Variants in LEP observed in about 807,000 individuals in gnomAD.
LEP encodes leptin.
LEP carries 6 observed loss-of-function variants against 9.8 expected under a neutral mutation model. The ratio of observed to expected loss-of-function variants is 0.61; its 90% CI spans 0.34 to 1.21. The LOEUF is 1.21. LEP is among the 50% of genes most tolerant of loss of function. The pLI, the probability that LEP is intolerant of heterozygous loss-of-function variation, is 0.04. For synonymous variants in LEP, 112 were observed against 81.7 expected, an observed-to-expected ratio of 1.37 and a Z score of -2.00; for missense variants, 134 against 198.1, an observed-to-expected ratio of 0.68 and a Z score of 1.94.
rs1419641446 is a variant in LEP at position 128,257,135 on chromosome 7, T to C, written c.*2372T>C. 2.6e-5 allele frequency: 4 copies of C among 152,038 alleles called. No homozygotes were observed. Among genetic ancestry groups the C allele is most frequent in the African/African-American group, 9.7e-5 (4 of 41,360 alleles). The allele number at this position is 152,038 out of a possible 1,614,324, so 9.4% of individuals were successfully genotyped here. On this transcript the variant is annotated 3_prime_UTR_variant, in exon 3 of 3. Coordinates refer to ENST00000308868, the MANE Select transcript of LEP (RefSeq NM_000230.3). ...CCAGGGTGAGAGCTGCTCTGGAAAA[T>C]GTGACCCAGATCCTCACAACCACCT...
intron 1 of LEP, among the ~76,000 whole-genome samples, chr7:128,249,310 A>T (rs1795248353): frequency 6.6e-6 from 1 of 152,262 alleles, no homozygotes; most frequent in African/African-American, 2.4e-5. Flanking sequence ...CCAGCATGGC[A>T]TCTCAGCTCC....
rs867201925 is a variant in LEP, at chr7:128,246,832, C to T, written c.-28-5159C>T. ...CATTTCTTCTCCAGGGTACCCATGG[C>T]AAGGGATGAGGGTAGAAGATGGGGC... On this transcript the variant is annotated intron_variant, in intron 1 of 2. Transcript: ENST00000308868. Among the ~76,000 whole-genome samples, 4 of 152,184 alleles carry T rather than the reference C, an allele frequency of 2.6e-5. No individual in the cohort carries two copies. In the South Asian group the frequency reaches 8.3e-4, roughly 32 times the overall value.
chr7:128,254,885 C>G lies in LEP; in HGVS notation c.*122C>G, dbSNP rs1795319098. On this transcript the variant is annotated 3_prime_UTR_variant, in exon 3 of 3. Transcript: ENST00000308868. ...CTTATCCAGGACTCTGTCAATTTCC[C>G]TGACTCCTCTAAGCCACTCTTCCAA... is the stretch of plus-strand genomic sequence containing the variant. 2 of 1,109,214 alleles carry G rather than the reference C, an allele frequency of 1.8e-6. No individual in the cohort carries two copies. The highest frequency in any genetic ancestry group is 2.6e-5 in the South Asian group (2 of 75,920). 68.7% of individuals were successfully genotyped at this position (1,109,214 alleles called of 1,614,324 possible).
chr7:128,247,015 T>G (rs12706831), intron 1 of LEP, among the ~76,000 whole-genome samples: 64,811 of 151,968 alleles, frequency 0.43, 16,907 homozygotes, highest in East Asian at 0.73. Context: ...TAGAGACCCC[T>G]CTCCTCTCCA....
chr7:128,251,054 C>T (rs1795269296), intron 1 of LEP, among the ~76,000 whole-genome samples: 1 of 152,146 alleles, frequency 6.6e-6, no homozygotes, highest in South Asian at 2.1e-4. Flanking sequence ...CTTTATACCC[C>T]CTGATTTCTC....
Position 128,254,971 on chromosome 7 carries a change from T to G in LEP, c.*208T>G. ...CAAAGATATATACACAGGATCCTATTCTCACCAGGAAGGGGGTCCACCCAG... is the reference window on the plus strand; with the variant it reads ...CAAAGATATATACACAGGATCCTATGCTCACCAGGAAGGGGGTCCACCCAG... On this transcript the variant is annotated 3_prime_UTR_variant, in exon 3 of 3. Transcript: ENST00000308868. 1 of 590,566 alleles carries G rather than the reference T, an allele frequency of 1.7e-6. No individual in the cohort carries two copies. The allele number at this position is 590,566 out of a possible 1,614,324, so 36.6% of individuals were successfully genotyped here.
intron 2 of LEP, among the ~76,000 whole-genome samples, chr7:128,253,801 G>A (rs567280977): frequency 5.3e-5 from 8 of 152,344 alleles, no homozygotes; most frequent in East Asian, 1.9e-4. Flanking sequence ...GATAGATCCC[G>A]AGTGCCCCAC....
At chr7:128,251,753 T>C (rs1562931792) in intron 1 of LEP, among the ~76,000 whole-genome samples, 2 of 152,252 alleles carry the variant, frequency 1.3e-5, no homozygotes. Flanking sequence ...CACAGCTCTG[T>C]GGTCTACAGG....
intron 1 of LEP, among the ~76,000 whole-genome samples, 188 bp downstream of exon 1, chr7:128,241,494 G>A (rs2278814): frequency 0.016 from 2,367 of 152,316 alleles, 52 homozygotes; most frequent in East Asian, 0.052. Flanking sequence ...GCTGGGGAGC[G>A]TTGGATTTGC....
chr7:128,254,773 G>T lies in LEP; in HGVS notation c.*10G>T. On this transcript the variant is annotated 3_prime_UTR_variant, in exon 3 of 3. Coordinates refer to ENST00000308868, the MANE Select transcript of LEP (RefSeq NM_000230.3). ...CAGCCCTGGGTGCTGAGGCCTTGAA[G>T]GTCACTCTTCCTGCAAGGACTACGT... 6.2e-7 allele frequency: 1 copy of T among 1,606,048 alleles called. No homozygotes were observed. Among genetic ancestry groups the T allele is most frequent in the South Asian group, 1.1e-5 (1 of 91,018 alleles).
chr7:128,254,553 C>T lies in LEP; in HGVS notation c.294C>T (p.Ser98=), dbSNP rs200983754. Residue 98 remains serine (S), a synonymous_variant, in exon 3 of 3, where the codon TCC becomes TCT. Transcript: ENST00000308868. ...SMPSRNVIQI[S]NDLENLRDLL... ...CTTCCAGAAACGTGATCCAAATATC[C>T]AACGACCTGGAGAACCTCCGGGATC... The T allele has an allele frequency of 2.9e-5, 46 of 1,614,018 alleles. No homozygotes were observed. Among genetic ancestry groups the T allele is most frequent in the Non-Finnish European group, 3.7e-5 (44 of 1,180,014 alleles).
intron 1 of LEP, among the ~76,000 whole-genome samples, chr7:128,242,483 C>T (rs1308725043): frequency 6.6e-6 from 1 of 152,120 alleles, no homozygotes; most frequent in Non-Finnish European, 1.5e-5. Flanking sequence ...TGTTCTAATG[C>T]CCTTAGAAAC....
In LEP at chr7:128,252,137, C is replaced by T. The variant is rs1342830248; in HGVS notation, c.119C>T (p.Thr40Ile). Residue 40 changes from threonine to isoleucine, a missense_variant, in exon 2 of 3, where the codon ACC (threonine) becomes ATC (isoleucine). Transcript: ENST00000308868. ...AAAACCCTCATCAAGACAATTGTCA[C>T]CAGGATCAATGACATTTCACACACG... ...DTKTLIKTIVTRINDISHTQS... is the reference protein window; with the variant it reads ...DTKTLIKTIVIRINDISHTQS... The T allele has an allele frequency of 4.3e-6, 7 of 1,614,052 alleles. No individual in the cohort carries two copies. The highest frequency in any genetic ancestry group is 1.1e-5 in the South Asian group (1 of 91,086).
Position 128,251,958 on chromosome 7 carries a change from C to T in LEP, c.-28-33C>T, listed in dbSNP as rs1795279647. On this transcript the variant is annotated intron_variant, in intron 1 of 2. Coordinates refer to ENST00000308868, the MANE Select transcript of LEP (RefSeq NM_000230.3). Reference sequence around the variant, plus strand: ...AGATGGGTGTATTCTGAGATACCGGCTCCTTGCAGTGTGTGGTTCCTTCTG... The same window carrying T: ...AGATGGGTGTATTCTGAGATACCGGTTCCTTGCAGTGTGTGGTTCCTTCTG... 3.2e-6 allele frequency: 5 copies of T among 1,560,156 alleles called. No homozygotes were observed. In the South Asian group the frequency reaches 5.6e-5, roughly 17 times the overall value.
At chr7:128,248,835 C>G (rs571871678) in intron 1 of LEP, among the ~76,000 whole-genome samples, 68 of 152,286 alleles carry the variant, frequency 4.5e-4, no homozygotes, top group Non-Finnish European at 8.2e-4. Context: ...GTTTCCATAT[C>G]TTTTTCATGT....
rs1795357565 is a variant in LEP at position 128,257,585 on chromosome 7, A to AAAG, written c.*2822_*2823insAAG. The AAAG allele has an allele frequency of 6.7e-6, 1 of 149,854 alleles. No homozygotes were observed. Among genetic ancestry groups the AAAG allele is most frequent in the Admixed American group, 6.7e-5 (1 of 15,032 alleles). The allele number at this position is 149,854 out of a possible 1,614,324, so 9.3% of individuals were successfully genotyped here. ...TCCGTCTTAAAAAAAAAAAAAAAAA[A>AAAG]GTTTGTTTTTAAAAAAATCTAAATA... On this transcript the variant is annotated 3_prime_UTR_variant, in exon 3 of 3. Transcript: ENST00000308868.
In LEP at chr7:128,255,095, T is replaced by A; in HGVS notation, c.*332T>A. 1 of 362,326 alleles carries A rather than the reference T, an allele frequency of 2.8e-6. No individual in the cohort carries two copies. Among genetic ancestry groups the A allele is most frequent in the Non-Finnish European group, 5.3e-6 (1 of 187,300 alleles). The allele number at this position is 362,326 out of a possible 1,614,324, so 22.4% of individuals were successfully genotyped here. A position where few individuals can be genotyped will look rare whatever the true frequency, so the allele number is the denominator to read the frequency against. Reference sequence around the variant, plus strand: ...ACCCATCTCCCCCTCACTGAATGCCTCAATGTGACCAGGGGTGATTTCAGA... The same window carrying A: ...ACCCATCTCCCCCTCACTGAATGCCACAATGTGACCAGGGGTGATTTCAGA... On this transcript the variant is annotated 3_prime_UTR_variant, in exon 3 of 3. Transcript: ENST00000308868.
At chr7:128,245,238 C>A (rs1584602892) in intron 1 of LEP, among the ~76,000 whole-genome samples, 2 of 152,274 alleles carry the variant, frequency 1.3e-5, no homozygotes, top group East Asian at 3.9e-4. Context: ...GAATGCCCTG[C>A]TTCCCCTCTT....
In LEP at chr7:128,252,168, GAGAGTATGCGGGGACAAAGT is replaced by G. The variant is rs773667205; in HGVS notation, c.144+10_144+29del. 36 of 1,614,012 alleles carry G rather than the reference GAGAGTATGCGGGGACAAAGT, an allele frequency of 2.2e-5. No homozygotes were observed. The highest frequency in any genetic ancestry group is 3.1e-5 in the Non-Finnish European group (36 of 1,180,018). On this transcript the variant is annotated splice_region_variant and intron_variant, in intron 2 of 2. Transcript: ENST00000308868. ...TCAATGACATTTCACACACGGTAAG[GAGAGTATGCGGGGACAAAGT>G]AGAACTGCAGCCAGCCCAGCACTGG... is the stretch of plus-strand genomic sequence containing the variant.
Sources: gnomAD v4.1 joint callset for allele counts (sites outside exome capture counted in the v4.1 genomes callset) on GRCh38, gnomAD v4.1.1 for gene constraint, MANE v1.5 for transcripts, NCBI Gene and HGNC (gene_info 2026-07-23, HGNC 2026-07-21) for gene names.